SLC24A2: variants seen among roughly 807,000 people sequenced by gnomAD.
The protein encoded by SLC24A2 is solute carrier family 24 member 2.
Under a neutral mutation model 62.0 loss-of-function variants are expected in SLC24A2, and 36 were observed. The ratio of observed to expected loss-of-function variants is 0.58; its 90% CI spans 0.44 to 0.77. The LOEUF is 0.77. SLC24A2 is among the 30% of genes least tolerant of loss of function. SLC24A2 has a pLI of 0.00. For missense variants in SLC24A2, 846 were observed against 817.9 expected (o/e 1.03, Z -0.42); for synonymous variants, 358 against 294.0 (o/e 1.22, Z -2.23).
At chr9:19,769,227 C>T (rs995677799) in intron 2 of SLC24A2, among the ~76,000 whole-genome samples, 5 of 152,206 alleles carry the variant, frequency 3.3e-5, no homozygotes, top group Non-Finnish European at 7.3e-5. Context: ...CGATTTCTCT[C>T]TTTTTATCCT....
chr9:19,515,808 T>A lies in SLC24A2; in HGVS notation c.*345A>T. On this transcript the variant is annotated 3_prime_UTR_variant, in exon 11 of 11. Coordinates refer to ENST00000341998, the MANE Select transcript of SLC24A2 (RefSeq NM_020344.4). ...GGCAGGATTTGTGTGTTCATGTGCGTATATTTATAATATGTGTATTTATAG... is the reference window on the plus strand; with the variant it reads ...GGCAGGATTTGTGTGTTCATGTGCGAATATTTATAATATGTGTATTTATAG... 3.0e-6 allele frequency: 1 copy of A among 336,754 alleles called. No homozygotes were observed. 20.9% of individuals were successfully genotyped at this position (336,754 alleles called of 1,614,324 possible).
At chr9:19,611,575 C>G (rs1037297891) in intron 4 of SLC24A2, among the ~76,000 whole-genome samples, 10 of 151,888 alleles carry the variant, frequency 6.6e-5, no homozygotes, top group Non-Finnish European at 1.2e-4. Context: ...TGGTTTTGAG[C>G]AGAGGTGGGG....
At chr9:20,287,654 C>T in the SLC24A2 span, among the ~76,000 whole-genome samples, 138 of 152,314 alleles carry the variant, frequency 9.1e-4, no homozygotes, top group African/African-American at 1.5e-3. Flanking sequence ...TACGTGCCTT[C>T]GCAGAGCTTT....
Position 19,786,084 on chromosome 9 carries a change from G to C in SLC24A2, c.783C>G (p.Ile261Met). The part of the protein sequence containing the change: ...MLIIFFLDNV[I>M]MWWESLLLLT... ...AGAGAAGCAAGCTTTCCCACCACAT[G>C]ATGACATTATCCAGGAAAAATATGA... The change falls in exon 2 of 11, where the codon ATC becomes ATG. Residue 261 changes from isoleucine to methionine, a missense_variant. Coordinates refer to ENST00000341998, the MANE Select transcript of SLC24A2 (RefSeq NM_020344.4). This position sits in a 1 kb window ranked among gnomAD's most constrained non-coding sequence, Gnocchi z 5.0. 1 of 1,614,152 alleles carries C rather than the reference G, an allele frequency of 6.2e-7. No individual in the cohort carries two copies. Among genetic ancestry groups the C allele is most frequent in the Non-Finnish European group, 8.5e-7 (1 of 1,180,028 alleles).
chr9:19,816,955 C>T, the SLC24A2 span, among the ~76,000 whole-genome samples: 1 of 152,086 alleles, frequency 6.6e-6, no homozygotes, highest in South Asian at 2.1e-4. Context: ...TCTGCCACTC[C>T]ATGATGTACC....
the SLC24A2 span, among the ~76,000 whole-genome samples, chr9:19,810,288 G>T: frequency 1.3e-5 from 2 of 152,300 alleles, no homozygotes; most frequent in East Asian, 3.9e-4. Context: ...ACAGCAGAGG[G>T]TCCTCAGTGC....
In SLC24A2 at chr9:19,758,725, T is replaced by G. The variant is rs150629341; in HGVS notation, c.930+27212A>C. Among the ~76,000 whole-genome samples, 1,442 of 152,160 alleles carry G rather than the reference T, an allele frequency of 9.5e-3. 25 individuals are homozygous for G. The highest frequency in any genetic ancestry group is 0.064 in the South Asian group (306 of 4,814). ...AGACGAAAGAAGAAACTTATCAGGA[T>G]TGGTTTGTTTTTAATAAAGGAAGGT... On this transcript the variant is annotated intron_variant, in intron 2 of 10. Coordinates refer to ENST00000341998, the MANE Select transcript of SLC24A2 (RefSeq NM_020344.4).
chr9:19,609,845 T>G (rs951275914), intron 4 of SLC24A2, among the ~76,000 whole-genome samples: 1 of 152,118 alleles, frequency 6.6e-6, no homozygotes. Flanking sequence ...CATCAGGCAT[T>G]AGATTCTCAT....
chr9:19,774,748 A>T (rs1822794486), intron 2 of SLC24A2, among the ~76,000 whole-genome samples: 2 of 152,164 alleles, frequency 1.3e-5, no homozygotes, highest in African/African-American at 4.8e-5. Flanking sequence ...CCTTTCCAAG[A>T]AGGTCCTGTA....
chr9:20,128,697 C>T, the SLC24A2 span, among the ~76,000 whole-genome samples: 3 of 151,976 alleles, frequency 2.0e-5, no homozygotes, highest in South Asian at 2.1e-4. Context: ...GTGCTAAGAC[C>T]GCTCAATGGG....
chr9:19,910,154 C>T, the SLC24A2 span, among the ~76,000 whole-genome samples: 1 of 152,096 alleles, frequency 6.6e-6, no homozygotes, highest in African/African-American at 2.4e-5. Flanking sequence ...ATCTGAACCT[C>T]AGAGTAATCC....
chr9:19,876,742 T>C, the SLC24A2 span, among the ~76,000 whole-genome samples: 3 of 152,178 alleles, frequency 2.0e-5, no homozygotes, highest in Non-Finnish European at 4.4e-5. Flanking sequence ...AGTTAATTTT[T>C]GTCTTATGGG....
intron 9 of SLC24A2, among the ~76,000 whole-genome samples, chr9:19,524,137 C>CAAAAAAA (rs57173482): frequency 1.2e-5 from 1 of 84,710 alleles, no homozygotes; most frequent in Non-Finnish European, 2.1e-5. Flanking sequence ...ACTTCATTTT[C>CAAAAAAA]AAAAAAAAAA....
At chr9:19,757,404 A>C (rs1274296115) in intron 2 of SLC24A2, among the ~76,000 whole-genome samples, 2 of 152,138 alleles carry the variant, frequency 1.3e-5, no homozygotes, top group East Asian at 3.9e-4. Flanking sequence ...AAAAATTGTA[A>C]AGCAGTTTCT....
At chr9:19,576,110 G>C (rs557648383) in intron 6 of SLC24A2, among the ~76,000 whole-genome samples, 4 of 152,238 alleles carry the variant, frequency 2.6e-5, no homozygotes, top group African/African-American at 9.6e-5. Context: ...GTAGAAGTTG[G>C]GATAACAGGA....
intron 2 of SLC24A2, among the ~76,000 whole-genome samples, chr9:19,703,333 G>C (rs959340035): frequency 6.6e-6 from 1 of 152,152 alleles, no homozygotes; most frequent in Non-Finnish European, 1.5e-5. Flanking sequence ...TCAAACACGA[G>C]CCCTTTCATT....
At chr9:19,851,022 TAC>T in the SLC24A2 span, among the ~76,000 whole-genome samples, 331 of 65,664 alleles carry the variant, frequency 5.0e-3, 13 homozygotes, top group Middle Eastern at 0.014. Context: ...TATATATATA[TAC>T]ATATTTTTTT....
At chr9:19,714,433 T>C (rs74502643) in intron 2 of SLC24A2, among the ~76,000 whole-genome samples, 3,233 of 144,590 alleles carry the variant, frequency 0.022, 59 homozygotes, top group Non-Finnish European at 0.033. Flanking sequence ...TTCTTTAAAA[T>C]AAAACAAAAT....
At chr9:20,248,367 C>G in the SLC24A2 span, among the ~76,000 whole-genome samples, 1 of 152,150 alleles carries the variant, frequency 6.6e-6, no homozygotes, top group Non-Finnish European at 1.5e-5. Context: ...ACAAATATGC[C>G]ATAAGCTGAG....
Sources: allele counts gnomAD v4.1 joint callset (sites outside exome capture counted in the v4.1 genomes callset), GRCh38; gene constraint gnomAD v4.1.1; non-coding constraint Gnocchi (gnomAD v3.1); transcripts MANE v1.5; gene names NCBI Gene and HGNC (gene_info 2026-07-23, HGNC 2026-07-21).